Variants in SLC5A4 observed in about 807,000 individuals in gnomAD.
SLC5A4 encodes solute carrier family 5 member 4, also known as probable glucose sensor protein SLC5A4.
Under a neutral mutation model 70.3 loss-of-function variants are expected in SLC5A4, and 55 were observed. That is an observed-to-expected ratio of 0.78 (90% CI 0.63 to 0.98). SLC5A4 has a LOEUF of 0.98. SLC5A4 is among the 50% of genes least tolerant of loss of function. The pLI is 0.00. For synonymous variants in SLC5A4, 268 were observed against 305.7 expected, an observed-to-expected ratio of 0.88 and a Z score of 1.29; for missense variants, 735 against 839.2, an observed-to-expected ratio of 0.88 and a Z score of 1.53.
intron 5 of SLC5A4, among the ~76,000 whole-genome samples, chr22:32,240,441 A>G (rs1172136195): frequency 6.7e-6 from 1 of 149,504 alleles, no homozygotes; most frequent in Non-Finnish European, 1.5e-5. Context: ...ATGTGTGTAT[A>G]TATATATATG....
chr22:32,351,391 CGG>C, the SLC5A4 span, among the ~76,000 whole-genome samples: 134 of 151,906 alleles, frequency 8.8e-4, 2 homozygotes, highest in South Asian at 0.016. Context: ...AAAACAATAA[CGG>C]ACCGATCATT....
At chr22:32,303,746 GA>G in the SLC5A4 span, among the ~76,000 whole-genome samples, 8 of 152,184 alleles carry the variant, frequency 5.3e-5, no homozygotes, top group Non-Finnish European at 1.0e-4. Flanking sequence ...CGGCAATTAT[GA>G]ATAAAGCTAT....
the SLC5A4 span, among the ~76,000 whole-genome samples, chr22:32,353,601 C>T: frequency 1.3e-5 from 2 of 152,042 alleles, no homozygotes; most frequent in Non-Finnish European, 2.9e-5. Flanking sequence ...CCCAACAGCA[C>T]CCCTAACCCG....
the SLC5A4 span, among the ~76,000 whole-genome samples, chr22:32,304,749 C>A: frequency 1.3e-4 from 20 of 152,260 alleles, no homozygotes; most frequent in African/African-American, 4.6e-4. Context: ...TCCAACTTAT[C>A]AATTCTCTCT....
the SLC5A4 span, among the ~76,000 whole-genome samples, chr22:32,324,305 G>C: frequency 7.0e-6 from 1 of 143,006 alleles, no homozygotes; most frequent in Non-Finnish European, 1.6e-5. Flanking sequence ...ATATATACTA[G>C]ATTCTCTTGC....
At chr22:32,301,878 G>GT in the SLC5A4 span, among the ~76,000 whole-genome samples, 26 of 151,942 alleles carry the variant, frequency 1.7e-4, 1 homozygote, top group African/African-American at 6.0e-4. Flanking sequence ...TGGTCAGTTG[G>GT]TTTTTGATAG....
At position 32,227,212 on chromosome 22, in the gene SLC5A4, G is replaced by C. The variant is rs183439477; in HGVS notation, c.1281-1389C>G. On this transcript the variant is annotated intron_variant, in intron 11 of 14. Transcript: ENST00000266086. The stretch of plus-strand genomic sequence containing the variant: ...GAGATAGTAGACATTTGATAACAGA[G>C]AGAGGGGAAAAGAAAAAGTTATTAC... Among the ~76,000 whole-genome samples the C allele has an allele frequency of 1.6e-4, 24 of 152,266 alleles. No homozygotes were observed. In the East Asian group the frequency reaches 4.5e-3, roughly 28 times the overall value.
intron 9 of SLC5A4, among the ~76,000 whole-genome samples, chr22:32,232,046 C>T (rs1925793911): frequency 6.6e-6 from 1 of 152,076 alleles, no homozygotes; most frequent in Non-Finnish European, 1.5e-5. Flanking sequence ...TGCCTAGCTA[C>T]TTTATCTTAT....
the SLC5A4 span, among the ~76,000 whole-genome samples, chr22:32,312,381 A>ACACACACG: frequency 7.2e-6 from 1 of 139,446 alleles, no homozygotes; most frequent in Non-Finnish European, 1.6e-5. Context: ...ACACACACAC[A>ACACACACG]CACACGCACA....
chr22:32,325,844 T>G, the SLC5A4 span, among the ~76,000 whole-genome samples: 667 of 152,348 alleles, frequency 4.4e-3, 5 homozygotes, highest in Middle Eastern at 6.8e-3. Context: ...GCAGTGGAGC[T>G]TGGCCTGTGC....
At position 32,234,896 on chromosome 22, in the gene SLC5A4, A is replaced by G. The variant is rs201575173; in HGVS notation, c.862T>C (p.Leu288=). 107 of 1,612,086 alleles carry G rather than the reference A, an allele frequency of 6.6e-5. 1 individual carries two copies. The highest frequency in any genetic ancestry group is 6.5e-4 in the East Asian group (29 of 44,882). ...GIIFGMPITA[L]WYWCTNQVIV... is the part of the protein sequence containing the mutation. ...ACCTGATTTGTGCACCAGTACCACA[A>G]AGCTGTAATGGGCATTCCAAATATA... Residue 288 remains leucine, a synonymous_variant, in exon 8 of 15, where the codon TTG becomes CTG. Transcript: ENST00000266086.
the SLC5A4 span, among the ~76,000 whole-genome samples, chr22:32,341,548 C>T: frequency 3.3e-5 from 5 of 152,174 alleles, no homozygotes; most frequent in Non-Finnish European, 4.4e-5. Context: ...TCCAGTGGAC[C>T]GTGAATCCTG....
rs1169115054 is a variant in SLC5A4 at position 32,251,149 on chromosome 22, CAAAAAAA to C, written c.312+614_312+620del. Among the ~76,000 whole-genome samples, 81 of 22,770 alleles carry C rather than the reference CAAAAAAA, an allele frequency of 3.6e-3. 1 individual carries two copies. The highest frequency in any genetic ancestry group is 0.011 in the African/African-American group (77 of 7,190). 14.9% of individuals were successfully genotyped at this position (22,770 alleles called of 152,430 possible). On this transcript the variant is annotated intron_variant, in intron 3 of 14. Coordinates refer to ENST00000266086, the MANE Select transcript of SLC5A4 (RefSeq NM_014227.3). ...AAGAAGACAACAACAAACAAATAAG[CAAAAAAA>C]AAAAAAAAAAAAAAAAAAAACCAAA...
chr22:32,306,493 A>G, the SLC5A4 span, among the ~76,000 whole-genome samples: 1 of 149,550 alleles, frequency 6.7e-6, no homozygotes, highest in Non-Finnish European at 1.5e-5. Context: ...ACTACTGTAT[A>G]TAAAGACAAA....
At chr22:32,235,926 G>A (rs1196826771) in intron 7 of SLC5A4, among the ~76,000 whole-genome samples, 1 of 152,170 alleles carries the variant, frequency 6.6e-6, no homozygotes. Context: ...GCCGAGTGGA[G>A]GATACAGACA....
chr22:32,326,208 C>T, the SLC5A4 span, among the ~76,000 whole-genome samples: 5 of 151,918 alleles, frequency 3.3e-5, no homozygotes, highest in South Asian at 6.3e-4. Context: ...GCAGCGGCAG[C>T]GGCTTCTGAT....
rs1925982154 is a variant in SLC5A4, at chr22:32,235,022, C to T, written c.736G>A (p.Gly246Arg). Reference protein sequence around the residue: ...YVNATPSVVEGDNLTISASCY... With the variant: ...YVNATPSVVERDNLTISASCY... ...CTGGCACTGATTGTCAAGTTGTCCC[C>T]CTCGACTACGGATGGGGTGGCATTC... is the stretch of plus-strand genomic sequence containing the variant. The change falls in exon 8 of 15, where the codon GGG becomes AGG. Residue 246 changes from glycine to arginine, a missense_variant. By Grantham distance (125) the Gly-to-Arg change is moderately radical. Transcript: ENST00000266086. 1 of 1,613,818 alleles carries T rather than the reference C, an allele frequency of 6.2e-7. No homozygotes were observed. The highest frequency in any genetic ancestry group is 8.5e-7 in the Non-Finnish European group (1 of 1,179,988).
At chr22:32,288,730 G>C in the SLC5A4 span, among the ~76,000 whole-genome samples, 1 of 151,970 alleles carries the variant, frequency 6.6e-6, no homozygotes, top group Non-Finnish European at 1.5e-5. Flanking sequence ...ATTTTTAGTA[G>C]AGACAGGGTT....
At chr22:32,220,136 A>G (rs1258967330) in intron 14 of SLC5A4, among the ~76,000 whole-genome samples, 2 of 152,188 alleles carry the variant, frequency 1.3e-5, no homozygotes, top group African/African-American at 4.8e-5. Context: ...ATATTTTCAT[A>G]AAATGGAAAA....
Sources: allele counts gnomAD v4.1 joint callset (sites outside exome capture counted in the v4.1 genomes callset), GRCh38; gene constraint gnomAD v4.1.1; transcripts MANE v1.5; gene names NCBI Gene and HGNC (gene_info 2026-07-23, HGNC 2026-07-21).